Variants in PLCZ1 observed in about 807,000 individuals in gnomAD.
The protein encoded by PLCZ1 is phospholipase C zeta 1.
Under a neutral mutation model 76.8 loss-of-function variants are expected in PLCZ1, and 64 were observed. The ratio of observed to expected loss-of-function variants is 0.83; its 90% CI spans 0.68 to 1.03. The LOEUF (loss-of-function observed/expected upper bound fraction) is 1.03. Among genes scored for constraint, PLCZ1 ranks in the 50% least tolerant of loss-of-function variants. The pLI, the probability that PLCZ1 is intolerant of heterozygous loss-of-function variation, is 0.00. For synonymous variants in PLCZ1, 248 were observed against 230.8 expected (o/e 1.07, Z -0.68); for missense variants, 751 against 713.7 (o/e 1.05, Z -0.60).
In PLCZ1 at chr12:18,703,409, T is replaced by C. The variant is rs771147233; in HGVS notation, c.865-1633A>G. On this transcript the variant is annotated intron_variant, in intron 7 of 14. Transcript: ENST00000266505. ...TTGAAGATCTTCCAAATTTATTATG[T>C]CAGGGAGAAAAGTTCAGCCCTGGAA... 5.5e-4 allele frequency among the ~76,000 whole-genome samples: 84 copies of C among 152,228 alleles called. 1 individual carries two copies. Among genetic ancestry groups the C allele is most frequent in the Non-Finnish European group, 2.6e-4 (18 of 68,040 alleles).
chr12:18,726,601 TACA>T (rs1958763972), intron 3 of PLCZ1, among the ~76,000 whole-genome samples: 2 of 152,204 alleles, frequency 1.3e-5, no homozygotes, highest in Non-Finnish European at 2.9e-5. Context: ...ATTCTGAGTG[TACA>T]CTTTCAGAAA....
Position 18,711,236 on chromosome 12 carries a change from G to A in PLCZ1, c.714+1606C>T, listed in dbSNP as rs903978343. The stretch of plus-strand genomic sequence containing the variant: ...ATGAAGAGTTCATGTCCTTTGTAGA[G>A]ACATGGATGAAACTGGAAACCATCA... On this transcript the variant is annotated intron_variant, in intron 6 of 14. Transcript: ENST00000266505. Among the ~76,000 whole-genome samples, 3 of 151,608 alleles carry A rather than the reference G, an allele frequency of 2.0e-5. 1 individual carries two copies. Among genetic ancestry groups the A allele is most frequent in the South Asian group, 2.1e-4 (1 of 4,782 alleles).
intron 3 of PLCZ1, among the ~76,000 whole-genome samples, chr12:18,731,923 T>C (rs1959069586): frequency 6.6e-6 from 1 of 152,114 alleles, no homozygotes; most frequent in Admixed American, 6.6e-5. Flanking sequence ...ACAAAGATAA[T>C]TTTTGGATGA....
chr12:18,663,646 A>G, the PLCZ1 span, among the ~76,000 whole-genome samples: 24 of 151,348 alleles, frequency 1.6e-4, no homozygotes, highest in Admixed American at 2.0e-4. Context: ...AAACTCTTAG[A>G]AAAAAAAACA....
intron 13 of PLCZ1, among the ~76,000 whole-genome samples, chr12:18,686,450 C>T (rs1180068175): frequency 6.6e-6 from 1 of 152,040 alleles, no homozygotes; most frequent in Non-Finnish European, 1.5e-5. Flanking sequence ...TTCCACCCAT[C>T]TTGAGTTTCT....
chr12:18,695,840 C>A (rs59015652), intron 11 of PLCZ1, among the ~76,000 whole-genome samples: 22,136 of 152,056 alleles, frequency 0.15, 1,718 homozygotes, highest in Middle Eastern at 0.18. Flanking sequence ...ATACCTCAAG[C>A]AAAGGAATTT....
intron 5 of PLCZ1, 125 bp from the exon 6 acceptor site, chr12:18,713,111 A>G (rs182270260): frequency 2.2e-5 from 29 of 1,295,552 alleles, no homozygotes; most frequent in Middle Eastern, 4.4e-4. Context: ...ATAAAACTCT[A>G]TAAAAACTTG....
chr12:18,652,955 G>A, the PLCZ1 span, among the ~76,000 whole-genome samples: 2 of 151,962 alleles, frequency 1.3e-5, no homozygotes, highest in Non-Finnish European at 2.9e-5. Context: ...GAGAAAGAGA[G>A]AGACTGATTT....
chr12:18,719,642 T>A lies in PLCZ1; in HGVS notation c.368-10A>T, dbSNP rs925877418. The A allele has an allele frequency of 1.9e-6, 3 of 1,547,826 alleles. No individual in the cohort carries two copies. The African/African-American group carries it at 4.3e-5, about 22-fold the overall frequency. On this transcript the variant is annotated splice_polypyrimidine_tract_variant and intron_variant, in intron 4 of 14. Coordinates refer to ENST00000266505, the MANE Select transcript of PLCZ1 (RefSeq NM_033123.4). ...TGGTGTGCTTTCCTAACTAAAAAAA[T>A]AAAATAAAATAAGTTAAAAGGATGC...
chr12:18,728,002 G>A (rs1173580558), intron 3 of PLCZ1, among the ~76,000 whole-genome samples: 1 of 152,150 alleles, frequency 6.6e-6, no homozygotes, highest in African/African-American at 2.4e-5. Context: ...TTTCTGCTTA[G>A]ATAACTGAGA....
intron 3 of PLCZ1, among the ~76,000 whole-genome samples, chr12:18,725,345 G>A (rs992586403): frequency 2.0e-5 from 3 of 152,096 alleles, no homozygotes; most frequent in Non-Finnish European, 4.4e-5. Context: ...GCACGTGACA[G>A]CAGCTCAGAC....
At chr12:18,664,957 T>C in the PLCZ1 span, among the ~76,000 whole-genome samples, 394 of 130,496 alleles carry the variant, frequency 3.0e-3, 3 homozygotes, top group African/African-American at 0.011. Flanking sequence ...AATTGAACAA[T>C]GAGGACACAT....
chr12:18,705,095 A>G (rs1956437453), intron 7 of PLCZ1, 71 bp downstream of exon 7: 1 of 1,559,746 alleles, frequency 6.4e-7, no homozygotes, highest in African/African-American at 1.4e-5. Flanking sequence ...CCAGTTTCAC[A>G]GGCCAATATA....
the PLCZ1 span, among the ~76,000 whole-genome samples, chr12:18,659,227 A>T: frequency 8.5e-5 from 13 of 152,160 alleles, no homozygotes; most frequent in South Asian, 2.1e-4. Flanking sequence ...CTAAATAACC[A>T]CTTTACCTTT....
intron 12 of PLCZ1, chr12:18,694,041 C>A (rs11044250): frequency 0.14 from 197,103 of 1,402,890 alleles, 15,227 homozygotes; most frequent in African/African-American, 0.21. Flanking sequence ...TTCAAAAAAT[C>A]TAAAGAAAAT....
chr12:18,679,294 A>C (rs182126173), downstream of PLCZ1, among the ~76,000 whole-genome samples: 1 of 152,064 alleles, frequency 6.6e-6, no homozygotes, highest in Non-Finnish European at 1.5e-5. Flanking sequence ...TCTTTTTAAA[A>C]AAATTTTGAT....
At chr12:18,657,929 C>T in the PLCZ1 span, among the ~76,000 whole-genome samples, 1,699 of 151,978 alleles carry the variant, frequency 0.011, 27 homozygotes, top group African/African-American at 0.039. Flanking sequence ...TTAAGGAAAC[C>T]ACATACAAAG....
downstream of PLCZ1, among the ~76,000 whole-genome samples, chr12:18,678,575 TG>T (rs2137009189): frequency 6.6e-6 from 1 of 152,202 alleles, no homozygotes; most frequent in African/African-American, 2.4e-5. Flanking sequence ...TTGCATTTTT[TG>T]TTCTTTTGAA....
In PLCZ1 at chr12:18,683,340, T is replaced by C. The variant is rs762689242; in HGVS notation, c.1742-16A>G. 1.4e-5 allele frequency: 22 copies of C among 1,610,230 alleles called. No individual in the cohort carries two copies. The Admixed American group carries it at 2.3e-4, about 17-fold the overall frequency. On this transcript the variant is annotated splice_polypyrimidine_tract_variant and intron_variant, in intron 14 of 14. Transcript: ENST00000266505. Reference sequence around the variant, plus strand: ...CGACGATAACCTGCAAAAGGAATTATATCTAATTAGACCAATAACCAATTA... The same window carrying C: ...CGACGATAACCTGCAAAAGGAATTACATCTAATTAGACCAATAACCAATTA...
Sources: gnomAD v4.1 joint callset for allele counts (sites outside exome capture counted in the v4.1 genomes callset) on GRCh38, gnomAD v4.1.1 for gene constraint, MANE v1.5 for transcripts, NCBI Gene and HGNC (gene_info 2026-07-23, HGNC 2026-07-21) for gene names.